FOXP1: variants seen among roughly 807,000 people sequenced by gnomAD.
The protein encoded by FOXP1 is forkhead box protein P1.
Under a neutral mutation model 98.2 loss-of-function variants are expected in FOXP1, and 15 were observed. The ratio of observed to expected loss-of-function variants is 0.15; its 90% CI spans 0.10 to 0.24. FOXP1 has a LOEUF of 0.24. Among genes scored for constraint, FOXP1 ranks in the 10% least tolerant of loss-of-function variants. The pLI is 1.00. For synonymous variants in FOXP1, 371 were observed against 314.5 expected (o/e 1.18, Z -1.90); for missense variants, 633 against 848.5 (o/e 0.75, Z 3.15).
chr3:71,552,590 A>C (rs1435504422), intron 2 of FOXP1, among the ~76,000 whole-genome samples: 2 of 152,018 alleles, frequency 1.3e-5, no homozygotes, highest in East Asian at 3.8e-4. Context: ...AAACTAAAAA[A>C]TAAAAGCAAA....
chr3:71,497,493 A>T (rs1273513710), intron 2 of FOXP1, among the ~76,000 whole-genome samples: 3 of 152,204 alleles, frequency 2.0e-5, no homozygotes, highest in African/African-American at 7.2e-5. Context: ...ACCCCAGCTC[A>T]CGGTATTTAC....
In FOXP1 at chr3:71,419,876, G is replaced by A. The variant is rs763024720; in HGVS notation, c.-167-60632C>T. Among the ~76,000 whole-genome samples, 7 of 152,074 alleles carry A rather than the reference G, an allele frequency of 4.6e-5. No individual in the cohort carries two copies. In the East Asian group the frequency reaches 5.8e-4, roughly 13 times the overall value. On this transcript the variant is annotated intron_variant, in intron 3 of 20. Coordinates refer to ENST00000649528, the MANE Select transcript of FOXP1 (RefSeq NM_001349338.3). ...GTCGCCCAGGCTAGAGTGCAGAGGC[G>A]TGATCTCGGCTCGCTGCAACCTCCG... is the stretch of plus-strand genomic sequence containing the variant.
chr3:71,386,352 A>G (rs148831513), intron 3 of FOXP1, among the ~76,000 whole-genome samples: 2 of 152,338 alleles, frequency 1.3e-5, no homozygotes, highest in African/African-American at 4.8e-5. Context: ...ACAGAGTCTA[A>G]TTTGAAATCT....
At chr3:71,375,223 T>A (rs1326549806) in intron 3 of FOXP1, among the ~76,000 whole-genome samples, 1 of 152,172 alleles carries the variant, frequency 6.6e-6, no homozygotes, top group African/African-American at 2.4e-5. Context: ...TTCTGATATC[T>A]ATATGGTAAA....
chr3:71,163,832 G>A (rs890257863), intron 6 of FOXP1, among the ~76,000 whole-genome samples: 1 of 151,674 alleles, frequency 6.6e-6, no homozygotes, highest in Non-Finnish European at 1.5e-5. Flanking sequence ...GAGCGGTAGA[G>A]TTTTCATAGA....
intron 11 of FOXP1, among the ~76,000 whole-genome samples, chr3:71,026,405 G>A (rs2046122720): frequency 6.6e-6 from 1 of 152,152 alleles, no homozygotes; most frequent in African/African-American, 2.4e-5. Flanking sequence ...AACTTCGCAG[G>A]TTGACACTGA....
At chr3:71,358,401 G>A (rs143209178) in intron 4 of FOXP1, among the ~76,000 whole-genome samples, 54 of 152,206 alleles carry the variant, frequency 3.5e-4, no homozygotes, top group East Asian at 1.9e-3. Context: ...CACTCATTTC[G>A]CTCATGAAAG....
intron 3 of FOXP1, among the ~76,000 whole-genome samples, chr3:71,381,437 C>CTT (rs1171799165): frequency 0.022 from 1,685 of 77,620 alleles, 55 homozygotes; most frequent in Middle Eastern, 0.045. Flanking sequence ...TGCGCCTGGC[C>CTT]TTTTTTTTTT....
At chr3:71,259,243 C>T (rs2068894685) in intron 5 of FOXP1, among the ~76,000 whole-genome samples, 1 of 152,188 alleles carries the variant, frequency 6.6e-6, no homozygotes, top group Admixed American at 6.5e-5. Flanking sequence ...CCAGAAGAGC[C>T]CAAGCTTAAA....
rs138648589 is a variant in FOXP1, at chr3:71,368,130, T to G, written c.-167-8886A>C. Reference sequence around the variant, plus strand: ...TTTATTTAATTTTTATTTTATTTATTTATTTATTTTTTTAGATGGAGTTTC... The same window carrying G: ...TTTATTTAATTTTTATTTTATTTATGTATTTATTTTTTTAGATGGAGTTTC... On this transcript the variant is annotated intron_variant, in intron 3 of 20. Transcript: ENST00000649528. Among the ~76,000 whole-genome samples the G allele has an allele frequency of 1.5e-3, 224 of 152,208 alleles. 1 individual carries two copies. The highest frequency in any genetic ancestry group is 5.2e-3 in the African/African-American group (218 of 41,548).
intron 6 of FOXP1, among the ~76,000 whole-genome samples, chr3:71,179,362 C>G (rs148909908): frequency 0.013 from 1,919 of 152,170 alleles, 22 homozygotes; most frequent in Non-Finnish European, 0.021. Flanking sequence ...CCTGCCTCGG[C>G]CTCTCAAAGT....
At chr3:71,582,061 C>T (rs1050411631) in intron 1 of FOXP1, 1 of 961,384 alleles carries the variant, frequency 1.0e-6, no homozygotes, top group Non-Finnish European at 1.2e-6. Flanking sequence ...TCACAGGGGG[C>T]GGGAGCTGCG....
At position 71,450,958 on chromosome 3, in the gene FOXP1, C is replaced by T. The variant is rs369244522; in HGVS notation, c.-168+42468G>A. On this transcript the variant is annotated intron_variant, in intron 3 of 20. Coordinates refer to ENST00000649528, the MANE Select transcript of FOXP1 (RefSeq NM_001349338.3). ...GAATAAAACTTTATGGCACTACAGG[C>T]GTTTAGCCTTCCACTGACATTCCTG... is the stretch of plus-strand genomic sequence containing the variant. Among the ~76,000 whole-genome samples, 11 of 152,162 alleles carry T rather than the reference C, an allele frequency of 7.2e-5. No individual in the cohort carries two copies. The East Asian group carries it at 1.2e-3, about 16-fold the overall frequency.
intron 4 of FOXP1, among the ~76,000 whole-genome samples, chr3:71,336,109 G>A (rs1005605986): frequency 3.4e-5 from 5 of 148,664 alleles, no homozygotes; most frequent in African/African-American, 1.2e-4. Flanking sequence ...AGACCGTAGG[G>A]TCATATCAGA....
At chr3:71,416,593 C>T (rs1436501543) in intron 3 of FOXP1, among the ~76,000 whole-genome samples, 3 of 127,010 alleles carry the variant, frequency 2.4e-5, no homozygotes, top group African/African-American at 5.8e-5. Flanking sequence ...CACACACACA[C>T]GCAAAAAAAA....
At chr3:71,362,617 G>A (rs2078649622) in intron 3 of FOXP1, among the ~76,000 whole-genome samples, 2 of 152,104 alleles carry the variant, frequency 1.3e-5, no homozygotes, top group Admixed American at 6.6e-5. Context: ...CTACAGGCAG[G>A]TGTCACTATG....
intron 20 of FOXP1, among the ~76,000 whole-genome samples, chr3:70,962,248 T>A (rs1046580580): frequency 6.6e-6 from 1 of 152,206 alleles, no homozygotes; most frequent in African/African-American, 2.4e-5. Flanking sequence ...TACTAGGCAT[T>A]TGAGGATCAT....
chr3:71,230,365 A>G (rs1415011620), intron 5 of FOXP1, among the ~76,000 whole-genome samples: 1 of 152,156 alleles, frequency 6.6e-6, no homozygotes, highest in African/African-American at 2.4e-5. Flanking sequence ...CTCTACTTAC[A>G]TAGCAGAATG....
At chr3:71,103,499 C>T (rs72947460) in intron 7 of FOXP1, among the ~76,000 whole-genome samples, 7,600 of 152,182 alleles carry the variant, frequency 0.05, 649 homozygotes, top group African/African-American at 0.17. Flanking sequence ...CTTTCCTGAC[C>T]GGGCAGGGTG....
Sources: gnomAD v4.1 joint callset for allele counts (sites outside exome capture counted in the v4.1 genomes callset) on GRCh38, gnomAD v4.1.1 for gene constraint, MANE v1.5 for transcripts, NCBI Gene and HGNC (gene_info 2026-07-23, HGNC 2026-07-21) for gene names.